Variants in PMS2 observed in about 807,000 individuals in gnomAD.
PMS2 encodes the protein mismatch repair endonuclease PMS2.
In PMS2, 69 loss-of-function variants were observed where a neutral mutation model predicts 90.0. That is an observed-to-expected ratio of 0.77 (90% CI 0.63 to 0.94). The LOEUF (loss-of-function observed/expected upper bound fraction) is 0.94, where lower values mean the gene tolerates loss of function less well. PMS2 is among the 40% of genes least tolerant of loss of function. PMS2 has a pLI of 0.00. For missense variants in PMS2, 966 were observed against 1,040.2 expected (o/e 0.93, Z 0.98); for synonymous variants, 332 against 375.1 (o/e 0.89, Z 1.33).
At chr7:5,983,253 C>T (rs1259885392) in intron 11 of PMS2, among the ~76,000 whole-genome samples, 1 of 151,334 alleles carries the variant, frequency 6.6e-6, no homozygotes, top group African/African-American at 2.4e-5. Context: ...GCTGGGATTA[C>T]AGGTGCGCCA....
intron 5 of PMS2, 81 bp from the exon 6 acceptor site, chr7:5,999,356 G>A (rs894942401): frequency 1.8e-5 from 23 of 1,245,892 alleles, no homozygotes; most frequent in Middle Eastern, 1.9e-4. Context: ...AACATCCAAC[G>A]CAAGGTTCTC....
chr7:5,996,452 G>A (rs1784397271), intron 7 of PMS2, among the ~76,000 whole-genome samples: 1 of 151,826 alleles, frequency 6.6e-6, no homozygotes, highest in South Asian at 2.1e-4. Flanking sequence ...CTTCTCGGAA[G>A]GCTGAGGCAG....
Position 5,997,440 on chromosome 7 carries a change from A to G in PMS2, c.706-17T>C. The G allele has an allele frequency of 1.4e-6, 2 of 1,444,200 alleles. No individual in the cohort carries two copies. The highest frequency in any genetic ancestry group is 1.7e-5 in the Admixed American group (1 of 57,824). 89.5% of individuals were successfully genotyped at this position (1,444,200 alleles called of 1,614,324 possible). A position where few individuals can be genotyped will look rare whatever the true frequency, so the allele number is the denominator to read the frequency against. ...GCTTTGCAACTGAAAAAAAAAAAAA[A>G]AAATTCACAGTTACTTCCTAATAAA... On this transcript the variant is annotated splice_polypyrimidine_tract_variant and intron_variant, in intron 6 of 14. Transcript: ENST00000265849.
intron 5 of PMS2, among the ~76,000 whole-genome samples, chr7:5,999,479 C>T (rs1165922932): frequency 2.0e-5 from 3 of 152,098 alleles, no homozygotes; most frequent in African/African-American, 7.2e-5. Context: ...TCACAGTCCT[C>T]TCACTTCCCA....
chr7:6,003,189 G>C (rs892380185), intron 4 of PMS2: 2 of 154,876 alleles, frequency 1.3e-5, no homozygotes, highest in African/African-American at 4.9e-5. Flanking sequence ...AGCTCCTCAG[G>C]AGGCTCAGGC....
rs1057520346 is a variant in PMS2, at chr7:5,995,653, T to A, written c.804-20A>T. 6.0e-6 allele frequency: 9 copies of A among 1,511,580 alleles called. No individual in the cohort carries two copies. Among genetic ancestry groups the A allele is most frequent in the Non-Finnish European group, 8.3e-6 (9 of 1,086,170 alleles). The allele number at this position is 1,511,580 out of a possible 1,614,324, so 93.6% of individuals were successfully genotyped here. On this transcript the variant is annotated intron_variant, in intron 7 of 14. Coordinates refer to ENST00000265849, the MANE Select transcript of PMS2 (RefSeq NM_000535.7). ...GAGATGCTATTCAACATTAATATGG[T>A]AAGGGCAGGATTCCAGAGTGAAAGG...
At position 5,972,997 on chromosome 7, in the gene PMS2, G is replaced by A. The variant is rs1339139659; in HGVS notation, c.*402C>T. On this transcript the variant is annotated 3_prime_UTR_variant, in exon 15 of 15. Transcript: ENST00000265849. ...TAGCGGGGATTACAGGCATGCGCCA[G>A]CACACCTGGCTAATTTTGTATTTTT... Among the ~76,000 whole-genome samples the A allele has an allele frequency of 1.7e-5, 2 of 119,642 alleles. No homozygotes were observed. Among genetic ancestry groups the A allele is most frequent in the African/African-American group, 6.5e-5 (2 of 30,790 alleles). 78.5% of individuals were successfully genotyped at this position (119,642 alleles called of 152,430 possible). A position where few individuals can be genotyped will look rare whatever the true frequency, so the allele number is the denominator to read the frequency against.
At chr7:5,987,956 G>A (rs1227288723) in intron 10 of PMS2, among the ~76,000 whole-genome samples, 2 of 150,328 alleles carry the variant, frequency 1.3e-5, no homozygotes, top group African/African-American at 4.9e-5. Flanking sequence ...GGGAGGCTGA[G>A]GCACGAGAAT....
Position 5,987,132 on chromosome 7 carries a change from A to T in PMS2, c.1633T>A (p.Ser545Thr), listed in dbSNP as rs1247571278. The T allele has an allele frequency of 6.2e-7, 1 of 1,614,030 alleles. No homozygotes were observed. The highest frequency in any genetic ancestry group is 1.7e-5 in the Admixed American group (1 of 59,992). ...SQEKAPKTDD[S>T]FSDVDCHSNQ... ...GAATGGCAGTCCACATCTGAAAAAGAGTCGTCAGTTTTAGGCGCTTTCTCC... is the reference window on the plus strand; with the variant it reads ...GAATGGCAGTCCACATCTGAAAAAGTGTCGTCAGTTTTAGGCGCTTTCTCC... Residue 545 changes from serine (S) to threonine (T), a missense_variant, in exon 11 of 15, where the codon TCT becomes ACT. Ser to Thr is a moderately conservative substitution (Grantham distance 58). Around this residue, in one of 2 missense-constraint regions of PMS2, gnomAD observed 871 missense variants for 802.4 expected, o/e 1.09. Transcript: ENST00000265849.
At chr7:6,008,576 C>T (rs185166204) in intron 1 of PMS2, among the ~76,000 whole-genome samples, 4 of 152,120 alleles carry the variant, frequency 2.6e-5, no homozygotes, top group African/African-American at 9.6e-5. Context: ...GCAGCGAAAT[C>T]CCCGTCTCTA....
Position 5,987,393 on chromosome 7 carries a change from T to G in PMS2, c.1372A>C (p.Thr458Pro), listed in dbSNP as rs779306532. Residue 458 changes from threonine (T) to proline (P), a missense_variant, in exon 11 of 15, where the codon ACT becomes CCT. By Grantham distance (38) the Thr-to-Pro change is conservative. Around this residue, in one of 2 missense-constraint regions of PMS2, gnomAD observed 871 missense variants for 802.4 expected, o/e 1.09. Coordinates refer to ENST00000265849, the MANE Select transcript of PMS2 (RefSeq NM_000535.7). ...GQKRGMLSSS[T>P]SGAISDKGVL... ...CCTTTGTCAGAGATGGCACCTGAAG[T>G]GCTAGAAGACAGCATACCCCTTTTC... The G allele has an allele frequency of 1.2e-5, 19 of 1,614,206 alleles. No individual in the cohort carries two copies. The highest frequency in any genetic ancestry group is 1.4e-5 in the Non-Finnish European group (17 of 1,180,030).
chr7:5,996,589 A>AT (rs61317399), intron 7 of PMS2, among the ~76,000 whole-genome samples: 1,858 of 96,218 alleles, frequency 0.019, 22 homozygotes, highest in African/African-American at 0.088. Flanking sequence ...AAAAAAAAAA[A>AT]AATATATATA....
intron 4 of PMS2, 88 bp downstream of exon 4, chr7:6,003,602 T>C (rs530096052): frequency 2.6e-6 from 2 of 761,806 alleles, no homozygotes; most frequent in South Asian, 1.5e-5. Flanking sequence ...GATGTTGAGA[T>C]AGAAAACTGA....
intron 9 of PMS2, among the ~76,000 whole-genome samples, chr7:5,991,602 G>T (rs1783735922): frequency 6.6e-6 from 1 of 151,628 alleles, no homozygotes; most frequent in South Asian, 2.1e-4. Context: ...CACTTTGGGA[G>T]GCCAAGACGG....
intron 11 of PMS2, among the ~76,000 whole-genome samples, chr7:5,986,452 G>GAGGCC (rs1782871360): frequency 6.6e-6 from 1 of 152,018 alleles, no homozygotes; most frequent in Admixed American, 6.5e-5. Context: ...AGCACTTTGG[G>GAGGCC]AGGCCAAGGT....
intron 6 of PMS2, among the ~76,000 whole-genome samples, chr7:5,997,881 G>A (rs1007836939): frequency 6.6e-6 from 1 of 151,858 alleles, no homozygotes; most frequent in African/African-American, 2.4e-5. Flanking sequence ...TGTGTGAGCC[G>A]TGGGAACAAC....
In PMS2 at chr7:5,997,431, A is replaced by C; in HGVS notation, c.706-8T>G. On this transcript the variant is annotated splice_region_variant and splice_polypyrimidine_tract_variant and intron_variant, in intron 6 of 14. Coordinates refer to ENST00000265849, the MANE Select transcript of PMS2 (RefSeq NM_000535.7). ...AGGAATGAGGCTTTGCAACTGAAAA[A>C]AAAAAAAAAAAATTCACAGTTACTT... The C allele has an allele frequency of 6.7e-7, 1 of 1,489,676 alleles. No individual in the cohort carries two copies. The highest frequency in any genetic ancestry group is 9.3e-7 in the Non-Finnish European group (1 of 1,073,180). The allele number at this position is 1,489,676 out of a possible 1,614,324, so 92.3% of individuals were successfully genotyped here. A position where few individuals can be genotyped will look rare whatever the true frequency, so the allele number is the denominator to read the frequency against.
At chr7:6,000,931 C>T (rs1264626011) in intron 5 of PMS2, among the ~76,000 whole-genome samples, 3 of 152,072 alleles carry the variant, frequency 2.0e-5, no homozygotes, top group Non-Finnish European at 4.4e-5. Context: ...GTGGAGGTTG[C>T]AGTGAGCCGA....
At chr7:6,003,661 C>G (rs2128825457) in intron 4 of PMS2, 29 bp downstream of exon 4, 2 of 1,164,068 alleles carry the variant, frequency 1.7e-6, no homozygotes, top group Non-Finnish European at 2.5e-6. Context: ...TCTAAGGGGT[C>G]AAGTGAGTGG....
Sources: gnomAD v4.1 joint callset for allele counts (sites outside exome capture counted in the v4.1 genomes callset) on GRCh38, gnomAD v4.1.1 for gene constraint, gnomAD v4.1.1 regional missense constraint, MANE v1.5 for transcripts, NCBI Gene and HGNC (gene_info 2026-07-23, HGNC 2026-07-21) for gene names.